Variants in MYO5B observed in about 807,000 individuals in gnomAD.
The protein encoded by MYO5B is myosin VB.
MYO5B carries 143 observed loss-of-function variants against 229.3 expected under a neutral mutation model. The ratio of observed to expected loss-of-function variants is 0.62; its 90% CI spans 0.54 to 0.72. The LOEUF (loss-of-function observed/expected upper bound fraction) is 0.72, where lower values mean the gene tolerates loss of function less well. Ranked by LOEUF, MYO5B falls within the 30% of genes least tolerant of loss-of-function variation. MYO5B has a pLI of 0.00. For synonymous variants in MYO5B, 918 were observed against 885.2 expected (o/e 1.04, Z -0.66); for missense variants, 2,321 against 2,331.0 (o/e 1.00, Z 0.09).
At chr18:49,978,915 G>A (rs1255594113) in intron 9 of MYO5B, among the ~76,000 whole-genome samples, 1 of 152,122 alleles carries the variant, frequency 6.6e-6, no homozygotes, top group Non-Finnish European at 1.5e-5. Context: ...GGTCACTGCA[G>A]GTGTTCCTCA....
At chr18:50,023,806 T>C (rs958556816) in intron 4 of MYO5B, among the ~76,000 whole-genome samples, 1 of 152,100 alleles carries the variant, frequency 6.6e-6, no homozygotes, top group African/African-American at 2.4e-5. Context: ...AAAAGTGGAA[T>C]GGCTGCCTCC....
In MYO5B at chr18:50,055,255, G is replaced by A; in HGVS notation, c.138+13C>T. On this transcript the variant is annotated intron_variant, in intron 2 of 39. Coordinates refer to ENST00000285039, the MANE Select transcript of MYO5B (RefSeq NM_001080467.3). ...ACCTCACCCCCGCCCCCCTGCCCCG[G>A]ACTCACTCTTACCGTTTCATCCTCC... 3 of 463,816 alleles carry A rather than the reference G, an allele frequency of 6.5e-6. No individual in the cohort carries two copies. Among genetic ancestry groups the A allele is most frequent in the Non-Finnish European group, 1.2e-5 (3 of 260,214 alleles). The allele number at this position is 463,816 out of a possible 1,614,324, so 28.7% of individuals were successfully genotyped here.
chr18:50,152,313 C>T (rs1599060921), intron 1 of MYO5B, among the ~76,000 whole-genome samples: 1 of 152,278 alleles, frequency 6.6e-6, no homozygotes, highest in African/African-American at 2.4e-5. Context: ...GGGGCTTAAC[C>T]CACAACGAGG....
At chr18:50,122,635 GAGAGAGAGAGAGAGAGAGAGAGAGA>G (rs1258967042) in intron 1 of MYO5B, among the ~76,000 whole-genome samples, 2 of 6,098 alleles carry the variant, frequency 3.3e-4, no homozygotes, top group Non-Finnish European at 2.7e-4. Context: ...AAGGGGGGGG[GAGAGAGAGAGAGAGAGAGAGAGAGA>G]GAGAGAGAGA....
chr18:50,120,132 T>C (rs896167259), intron 1 of MYO5B, among the ~76,000 whole-genome samples: 3 of 152,366 alleles, frequency 2.0e-5, no homozygotes, highest in African/African-American at 4.8e-5. Flanking sequence ...GCATTTATGA[T>C]ATAGACAGAA....
intron 29 of MYO5B, 60 bp downstream of exon 29, chr18:49,863,167 C>T (rs2144078180): frequency 6.1e-6 from 8 of 1,305,742 alleles, no homozygotes; most frequent in South Asian, 3.5e-5. Flanking sequence ...CAAACAGACT[C>T]GTTTGGGCAG....
intron 5 of MYO5B, among the ~76,000 whole-genome samples, chr18:49,994,463 T>C (rs2025965787): frequency 6.6e-6 from 1 of 152,340 alleles, no homozygotes; most frequent in South Asian, 2.1e-4. Context: ...GGGTTTAAAG[T>C]GTATAAAGCA....
At chr18:49,870,772 T>C (rs2024447399) in intron 27 of MYO5B, among the ~76,000 whole-genome samples, 1 of 151,832 alleles carries the variant, frequency 6.6e-6, no homozygotes. Flanking sequence ...AATAAATAAA[T>C]AAATAAAAGA....
At chr18:49,870,533 G>C (rs2144091461) in intron 27 of MYO5B, among the ~76,000 whole-genome samples, 1 of 152,298 alleles carries the variant, frequency 6.6e-6, no homozygotes. Context: ...TCATGTATCT[G>C]ATAAGGGATT....
At chr18:49,980,906 GT>G (rs2025807609) in intron 8 of MYO5B, among the ~76,000 whole-genome samples, 1 of 152,242 alleles carries the variant, frequency 6.6e-6, no homozygotes, top group Admixed American at 6.5e-5. Flanking sequence ...GTTTTTATGA[GT>G]TTAATAAGAA....
intron 1 of MYO5B, among the ~76,000 whole-genome samples, chr18:50,173,677 A>C (rs2032952521): frequency 6.6e-6 from 1 of 152,206 alleles, no homozygotes; most frequent in East Asian, 1.9e-4. Context: ...TGGGGAAATC[A>C]CAGATGATGC....
At chr18:49,934,968 TA>T (rs1439891237) in intron 16 of MYO5B, among the ~76,000 whole-genome samples, 1 of 152,168 alleles carries the variant, frequency 6.6e-6, no homozygotes, top group African/African-American at 2.4e-5. Context: ...ATAAGGTGCT[TA>T]AAAAATTTAA....
At chr18:50,078,822 C>G (rs780778426) in intron 1 of MYO5B, among the ~76,000 whole-genome samples, 2 of 151,298 alleles carry the variant, frequency 1.3e-5, no homozygotes, top group African/African-American at 2.5e-5. Flanking sequence ...TTGTAAATGC[C>G]AAGAGCTAGA....
At chr18:49,979,904 T>C (rs745814127) in intron 9 of MYO5B, among the ~76,000 whole-genome samples, 15 of 152,202 alleles carry the variant, frequency 9.9e-5, no homozygotes, top group Admixed American at 6.5e-4. Flanking sequence ...CAGTACTACA[T>C]TGGGCATCAG....
intron 14 of MYO5B, among the ~76,000 whole-genome samples, chr18:49,949,452 A>T (rs2025409931): frequency 6.6e-6 from 1 of 152,222 alleles, no homozygotes; most frequent in South Asian, 2.1e-4. Flanking sequence ...CAGCTCCGAT[A>T]GCTGAGAAAG....
At chr18:49,949,684 A>G (rs1249268675) in intron 14 of MYO5B, among the ~76,000 whole-genome samples, 5 of 152,266 alleles carry the variant, frequency 3.3e-5, no homozygotes, top group Admixed American at 3.3e-4. Flanking sequence ...AGTCTCTCAT[A>G]AAATAAAAGT....
chr18:50,124,050 A>T lies in MYO5B; in HGVS notation c.28-68672T>A, dbSNP rs189243337. Among the ~76,000 whole-genome samples, 167 of 152,306 alleles carry T rather than the reference A, an allele frequency of 1.1e-3. 1 individual carries two copies. Among genetic ancestry groups the T allele is most frequent in the African/African-American group, 3.9e-3 (161 of 41,574 alleles). ...AGACCATTTCCACCATGGGCACATT[A>T]TTTGTGCTTTTGCGCTTAGTAAATC... On this transcript the variant is annotated intron_variant, in intron 1 of 39. Coordinates refer to ENST00000285039, the MANE Select transcript of MYO5B (RefSeq NM_001080467.3).
chr18:49,855,030 T>C (rs1386154546), intron 30 of MYO5B, among the ~76,000 whole-genome samples: 1 of 152,202 alleles, frequency 6.6e-6, no homozygotes, highest in Admixed American at 6.5e-5. Flanking sequence ...ACATGAGATT[T>C]GTGGAGGATA....
chr18:49,845,819 C>T (rs1249182884), intron 33 of MYO5B, among the ~76,000 whole-genome samples: 2 of 152,110 alleles, frequency 1.3e-5, no homozygotes, highest in African/African-American at 4.8e-5. Context: ...GGGCACAAGA[C>T]TGGAGGGGAG....
Sources: gnomAD v4.1 joint callset for allele counts (sites outside exome capture counted in the v4.1 genomes callset) on GRCh38, gnomAD v4.1.1 for gene constraint, MANE v1.5 for transcripts, NCBI Gene and HGNC (gene_info 2026-07-23, HGNC 2026-07-21) for gene names.